The following KMT2C variants were observed in gnomAD, a reference collection of about 807,000 sequenced individuals.
KMT2C encodes histone-lysine N-methyltransferase 2C.
KMT2C carries 88 observed loss-of-function variants against 507.9 expected under a neutral mutation model. The ratio of observed to expected loss-of-function variants is 0.17; its 90% CI spans 0.15 to 0.21. The LOEUF (loss-of-function observed/expected upper bound fraction) is 0.21, where lower values mean the gene tolerates loss of function less well. Ranked by LOEUF, KMT2C falls within the 10% of genes least tolerant of loss-of-function variation. The pLI is 1.00. For missense variants in KMT2C, 4,954 were observed against 5,957.8 expected, an observed-to-expected ratio of 0.83 and a Z score of 5.55; for synonymous variants, 2,049 against 2,080.8, an observed-to-expected ratio of 0.98 and a Z score of 0.42.
In KMT2C at chr7:152,297,059, G is replaced by GACAGACAGAAAGAA. The variant is rs1563767704; in HGVS notation, c.849+12906_849+12907insTTCTTTCTGTCTGT. 1.4e-4 allele frequency among the ~76,000 whole-genome samples: 9 copies of GACAGACAGAAAGAA among 64,442 alleles called. 1 individual carries two copies. The highest frequency in any genetic ancestry group is 5.2e-4 in the African/African-American group (9 of 17,330). 42.3% of individuals were successfully genotyped at this position (64,442 alleles called of 152,430 possible). The stretch of plus-strand genomic sequence containing the variant: ...AAAGAAAGAAAGAAAGAAAGACAGA[G>GACAGACAGAAAGAA]AGAGAGAGAGAGAGAGAGAGAGAGA... On this transcript the variant is annotated intron_variant, in intron 6 of 58. Coordinates refer to ENST00000262189, the MANE Select transcript of KMT2C (RefSeq NM_170606.3).
At chr7:152,232,425 A>G (rs2095146941) in intron 16 of KMT2C, among the ~76,000 whole-genome samples, 1 of 152,216 alleles carries the variant, frequency 6.6e-6, no homozygotes, top group South Asian at 2.1e-4. Context: ...GCAGAACAGT[A>G]TTTGAGGTAT....
At chr7:152,326,776 G>A (rs1169077365) in intron 3 of KMT2C, among the ~76,000 whole-genome samples, 3 of 152,206 alleles carry the variant, frequency 2.0e-5, no homozygotes, top group Non-Finnish European at 4.4e-5. Flanking sequence ...AGCTACTTGG[G>A]AGGCTGAGGC....
At chr7:152,344,746 G>T (rs1411088774) in intron 2 of KMT2C, among the ~76,000 whole-genome samples, 2 of 151,754 alleles carry the variant, frequency 1.3e-5, no homozygotes, top group African/African-American at 4.8e-5. Context: ...CCAGCACTTT[G>T]GGAGGCCGAG....
chr7:152,382,222 T>C (rs11971516), intron 1 of KMT2C, among the ~76,000 whole-genome samples: 6 of 149,970 alleles, frequency 4.0e-5, no homozygotes, highest in South Asian at 2.2e-4. Flanking sequence ...TCAGGCTTCA[T>C]TGAGACAAAA....
At chr7:152,232,116 T>C (rs1003490220) in intron 16 of KMT2C, among the ~76,000 whole-genome samples, 11 of 152,116 alleles carry the variant, frequency 7.2e-5, no homozygotes, top group Admixed American at 3.3e-4. Flanking sequence ...CCTGACCTCA[T>C]GATCTGCCCA....
intron 1 of KMT2C, among the ~76,000 whole-genome samples, chr7:152,433,364 G>C (rs9801024): frequency 2.0e-5 from 3 of 152,056 alleles, no homozygotes; most frequent in Admixed American, 1.3e-4. Context: ...GGTCTTTACT[G>C]TCCAACTACA....
chr7:152,238,981 T>C (rs1025145958), intron 14 of KMT2C, 155 bp from the exon 15 acceptor site: 6 of 599,732 alleles, frequency 1.0e-5, no homozygotes, highest in African/African-American at 9.8e-5. Flanking sequence ...AGTTAATCAC[T>C]AACAGTGATT....
intron 16 of KMT2C, among the ~76,000 whole-genome samples, chr7:152,234,928 T>C (rs1036852564): frequency 2.6e-5 from 4 of 151,958 alleles, no homozygotes; most frequent in African/African-American, 9.7e-5. Context: ...ACAACCATGG[T>C]GCATCCACAG....
At chr7:152,396,468 T>C (rs1269398949) in intron 1 of KMT2C, among the ~76,000 whole-genome samples, 3 of 152,160 alleles carry the variant, frequency 2.0e-5, no homozygotes, top group Non-Finnish European at 2.9e-5. Flanking sequence ...AACCAATTAA[T>C]AGTTTTCATT....
chr7:152,139,632 G>T (rs758835390), intron 56 of KMT2C, 43 bp downstream of exon 56: 1 of 1,288,102 alleles, frequency 7.8e-7, no homozygotes, highest in South Asian at 1.2e-5. Flanking sequence ...AAAGGGAGAG[G>T]ATGATGGTGC....
rs2129239328 is a variant in KMT2C, at chr7:152,368,381, G to A, written c.162-9706C>T. 11 of 1,101,142 alleles carry A rather than the reference G, an allele frequency of 1.0e-5. 1 individual carries two copies. In the South Asian group the frequency reaches 1.3e-4, roughly 13 times the overall value. The allele number at this position is 1,101,142 out of a possible 1,614,324, so 68.2% of individuals were successfully genotyped here. On this transcript the variant is annotated intron_variant, in intron 1 of 58. Coordinates refer to ENST00000262189, the MANE Select transcript of KMT2C (RefSeq NM_170606.3). ...CTGGCACAAATGGAAGAAGAAAGAA[G>A]GGAGTATGCAGCTAAAATGAAGAAG...
At chr7:152,147,831 T>C (rs2091290922) in intron 52 of KMT2C, among the ~76,000 whole-genome samples, 1 of 151,994 alleles carries the variant, frequency 6.6e-6, no homozygotes, top group South Asian at 2.1e-4. Flanking sequence ...TTCAAAGATA[T>C]ATTGATTATG....
chr7:152,158,837 G>GGCT (rs761580416), intron 44 of KMT2C, 26 bp downstream of exon 44: 1 of 1,607,234 alleles, frequency 6.2e-7, no homozygotes, highest in Non-Finnish European at 8.5e-7. Flanking sequence ...TTTTAAAAGA[G>GGCT]GCTGCTCTAA....
chr7:152,171,105 T>C (rs910527325), intron 40 of KMT2C, among the ~76,000 whole-genome samples, 159 bp downstream of exon 40: 4 of 152,224 alleles, frequency 2.6e-5, no homozygotes, highest in Non-Finnish European at 5.9e-5. Context: ...AAAAAGTAAT[T>C]GCGGTTTTTG....
At chr7:152,430,403 C>G (rs1043790969) in intron 1 of KMT2C, among the ~76,000 whole-genome samples, 3 of 151,944 alleles carry the variant, frequency 2.0e-5, no homozygotes, top group African/African-American at 7.2e-5. Context: ...AACTCACACG[C>G]TGACTGTAAA....
Position 152,181,042 on chromosome 7 carries a change from G to A in KMT2C, c.6818C>T (p.Ser2273Phe), listed in dbSNP as rs1587993573. The A allele has an allele frequency of 6.2e-7, 1 of 1,614,034 alleles. No individual in the cohort carries two copies. Among genetic ancestry groups the A allele is most frequent in the Admixed American group, 1.7e-5 (1 of 60,006 alleles). Residue 2273 changes from serine to phenylalanine, a missense_variant, in exon 36 of 59, where the codon TCC becomes TTC. Transcript: ENST00000262189. ...GPLVRPPDTC[S>F]QTPRPPGPGL... ...AGGTCCAGGGGGCCTAGGTGTCTGG[G>A]AACATGTATCAGGTGGCCTTACCAA... is the stretch of plus-strand genomic sequence containing the variant.
At chr7:152,194,292 T>C in intron 29 of KMT2C, 31 bp from the exon 30 acceptor site, 1 of 1,370,264 alleles carries the variant, frequency 7.3e-7, no homozygotes. Context: ...AAAAGAAACA[T>C]TAACAGCTAC....
In KMT2C at chr7:152,179,858, A is replaced by G. The variant is rs1384891543; in HGVS notation, c.7418T>C (p.Met2473Thr). 1.8e-5 allele frequency: 29 copies of G among 1,614,082 alleles called. No homozygotes were observed. Among genetic ancestry groups the G allele is most frequent in the Non-Finnish European group, 2.2e-5 (26 of 1,179,978 alleles). ...RGPYPPDVAS[M>T]GMRPHGFRFG... ...CCTAAATCCATGAGGTCTCATCCCC[A>G]TACTAGCAACATCAGGAGGATAGGG... Residue 2473 changes from methionine (M) to threonine (T), a missense_variant, in exon 37 of 59, where the codon ATG becomes ACG. Around this residue, in one of 29 missense-constraint regions of KMT2C, gnomAD observed 1,689 missense variants for 1,654.3 expected, o/e 1.02. Coordinates refer to ENST00000262189, the MANE Select transcript of KMT2C (RefSeq NM_170606.3).
intron 1 of KMT2C, among the ~76,000 whole-genome samples, chr7:152,365,589 T>C (rs766358201): frequency 1.3e-5 from 2 of 152,212 alleles, no homozygotes; most frequent in Non-Finnish European, 2.9e-5. Context: ...TCTCGCTATA[T>C]TGCTCAGGCA....
Sources: gnomAD v4.1 joint callset for allele counts (sites outside exome capture counted in the v4.1 genomes callset) on GRCh38, gnomAD v4.1.1 for gene constraint, gnomAD v4.1.1 regional missense constraint, MANE v1.5 for transcripts, NCBI Gene and HGNC (gene_info 2026-07-23, HGNC 2026-07-21) for gene names.